HSD17B11: variants seen among roughly 807,000 people sequenced by gnomAD.
HSD17B11 encodes the protein hydroxysteroid 17-beta dehydrogenase 11.
HSD17B11 carries 22 observed loss-of-function variants against 27.8 expected under a neutral mutation model. The observed-to-expected ratio is 0.79, with a 90% CI of 0.56 to 1.13. The LOEUF is 1.13. HSD17B11 is among the 50% of genes most tolerant of loss of function. The pLI, the probability that HSD17B11 is intolerant of heterozygous loss-of-function variation, is 0.00. For synonymous variants in HSD17B11, 117 were observed against 132.8 expected, an observed-to-expected ratio of 0.88 and a Z score of 0.82; for missense variants, 314 against 351.1, an observed-to-expected ratio of 0.89 and a Z score of 0.84.
chr4:87,362,225 C>G (rs189757649), intron 4 of HSD17B11, among the ~76,000 whole-genome samples: 116 of 152,300 alleles, frequency 7.6e-4, no homozygotes, highest in Non-Finnish European at 1.4e-3. Flanking sequence ...AGAGTCCCTT[C>G]TAAGATTTAG....
At chr4:87,337,658 G>A (rs1735077897) in intron 6 of HSD17B11, among the ~76,000 whole-genome samples, 1 of 152,060 alleles carries the variant, frequency 6.6e-6, no homozygotes, top group African/African-American at 2.4e-5. Context: ...AGATACTAAA[G>A]ACTTTACAAA....
At chr4:87,366,327 A>G (rs1735613940) in intron 4 of HSD17B11, among the ~76,000 whole-genome samples, 1 of 152,242 alleles carries the variant, frequency 6.6e-6, no homozygotes, top group Non-Finnish European at 1.5e-5. Flanking sequence ...GTAAAGGGTT[A>G]TAAAGGTTTA....
Position 87,357,948 on chromosome 4 carries a change from AATTTTTTTTTTTTTTT to A in HSD17B11, c.558-548_558-533del, listed in dbSNP as rs1376014644. Among the ~76,000 whole-genome samples the A allele has an allele frequency of 7.9e-4, 77 of 97,394 alleles. 1 individual carries two copies. The highest frequency in any genetic ancestry group is 4.5e-3 in the East Asian group (13 of 2,866). The allele number at this position is 97,394 out of a possible 152,430, so 63.9% of individuals were successfully genotyped here. A position where few individuals can be genotyped will look rare whatever the true frequency, so the allele number is the denominator to read the frequency against. On this transcript the variant is annotated intron_variant, in intron 4 of 6. Transcript: ENST00000358290. ...TTTGTAACTGAACATTCATTAGAGA[AATTTTTTTTTTTTTTT>A]TTTTTTTTTTTTTTTGAGACAGAGT...
At chr4:87,345,568 T>C (rs1358860143) in intron 5 of HSD17B11, among the ~76,000 whole-genome samples, 5 of 152,124 alleles carry the variant, frequency 3.3e-5, no homozygotes, top group African/African-American at 4.8e-5. Flanking sequence ...TTAGCTACAC[T>C]GACCAAGGCA....
At chr4:87,377,142 A>G (rs1735844250) in intron 2 of HSD17B11, among the ~76,000 whole-genome samples, 1 of 150,558 alleles carries the variant, frequency 6.6e-6, no homozygotes, top group South Asian at 2.1e-4. Flanking sequence ...AAAGAAAGAA[A>G]AATATTTTTA....
At chr4:87,367,536 C>T (rs111988816) in intron 4 of HSD17B11, among the ~76,000 whole-genome samples, 4 of 152,260 alleles carry the variant, frequency 2.6e-5, no homozygotes, top group Non-Finnish European at 5.9e-5. Flanking sequence ...TAATTATTCT[C>T]GCTGCACTTT....
At chr4:87,355,043 A>T (rs1735360347) in intron 5 of HSD17B11, among the ~76,000 whole-genome samples, 1 of 151,798 alleles carries the variant, frequency 6.6e-6, no homozygotes, top group Admixed American at 6.6e-5. Context: ...GCTTGAGCCC[A>T]GTTCAAGGTT....
In HSD17B11 at chr4:87,340,483, C is replaced by G; in HGVS notation, c.812+7G>C. Reference sequence around the variant, plus strand: ...TTCATTTCTAAGGTTTCTTAACTGTCACTTACCTTTCCAATGTTGTTAAAA... The same window carrying G: ...TTCATTTCTAAGGTTTCTTAACTGTGACTTACCTTTCCAATGTTGTTAAAA... On this transcript the variant is annotated splice_region_variant and intron_variant, in intron 6 of 6. Transcript: ENST00000358290. 1 of 1,540,968 alleles carries G rather than the reference C, an allele frequency of 6.5e-7. No homozygotes were observed. Among genetic ancestry groups the G allele is most frequent in the African/African-American group, 1.4e-5 (1 of 72,992 alleles).
intron 2 of HSD17B11, among the ~76,000 whole-genome samples, chr4:87,379,146 AG>A (rs1281022860): frequency 6.8e-6 from 1 of 147,616 alleles, no homozygotes; most frequent in Non-Finnish European, 1.5e-5. Context: ...TTATAGAGAC[AG>A]GGTTTCATCA....
intron 6 of HSD17B11, 115 bp downstream of exon 6, chr4:87,340,375 A>G: frequency 1.6e-6 from 1 of 612,392 alleles, no homozygotes. Flanking sequence ...ATTTTTATTA[A>G]GTCAATTCCA....
rs559939270 is a variant in HSD17B11 at position 87,387,781 on chromosome 4, T to C, written c.210+3080A>G. Among the ~76,000 whole-genome samples, 9 of 152,340 alleles carry C rather than the reference T, an allele frequency of 5.9e-5. No individual in the cohort carries two copies. In the East Asian group the frequency reaches 1.5e-3, roughly 26 times the overall value. ...TAATCTCAAAATAAAATATAGATTA[T>C]TTAAATTAAACTAATTTAACCTAAT... On this transcript the variant is annotated intron_variant, in intron 1 of 6. Transcript: ENST00000358290.
chr4:87,357,447 A>T lies in HSD17B11; in HGVS notation c.558-31T>A, dbSNP rs774256013. 1.9e-6 allele frequency: 3 copies of T among 1,596,828 alleles called. No individual in the cohort carries two copies. In the Admixed American group the frequency reaches 5.2e-5, roughly 28 times the overall value. On this transcript the variant is annotated intron_variant, in intron 4 of 6. Transcript: ENST00000358290. The stretch of plus-strand genomic sequence containing the variant: ...AATAGAGAGTTTACAAAATAATTCA[A>T]GAATTCTGAAATGTCTGCCTGTTTT...
chr4:87,379,025 T>G (rs1043504826), intron 2 of HSD17B11, among the ~76,000 whole-genome samples: 1 of 136,718 alleles, frequency 7.3e-6, no homozygotes, highest in African/African-American at 2.7e-5. Flanking sequence ...TGGCATGATC[T>G]CAGCTCACTA....
chr4:87,343,154 G>A (rs1735201275), intron 5 of HSD17B11, among the ~76,000 whole-genome samples: 1 of 152,086 alleles, frequency 6.6e-6, no homozygotes, highest in Admixed American at 6.6e-5. Flanking sequence ...TTTACCTAAG[G>A]TTTTTAGCCC....
At chr4:87,339,536 C>T (rs2110111453) in intron 6 of HSD17B11, among the ~76,000 whole-genome samples, 1 of 152,334 alleles carries the variant, frequency 6.6e-6, no homozygotes, top group East Asian at 1.9e-4. Flanking sequence ...TGATATCCCA[C>T]TGACTTGGAG....
chr4:87,378,857 A>T (rs56376233), intron 2 of HSD17B11, among the ~76,000 whole-genome samples: 2,629 of 18,496 alleles, frequency 0.14, 217 homozygotes, highest in East Asian at 0.19. Flanking sequence ...TATATATATA[A>T]ATATATATAA....
intron 2 of HSD17B11, among the ~76,000 whole-genome samples, chr4:87,380,994 T>C (rs539666413): frequency 6.6e-6 from 1 of 150,686 alleles, no homozygotes; most frequent in East Asian, 2.0e-4. Context: ...CAGACCACCC[T>C]GGCCAACATA....
chr4:87,382,385 C>G (rs1720198089), intron 1 of HSD17B11, 23 bp from the exon 2 acceptor site: 1 of 1,444,234 alleles, frequency 6.9e-7, no homozygotes, highest in Admixed American at 1.7e-5. Context: ...AAAAAGAGGG[C>G]AAGGTAATAA....
intron 1 of HSD17B11, among the ~76,000 whole-genome samples, chr4:87,384,152 G>A (rs565104069): frequency 2.2e-4 from 33 of 152,268 alleles, no homozygotes; most frequent in African/African-American, 5.8e-4. Flanking sequence ...GGCTGGAGCC[G>A]CGGCAAAGAA....
Sources: allele counts gnomAD v4.1 joint callset (sites outside exome capture counted in the v4.1 genomes callset), GRCh38; gene constraint gnomAD v4.1.1; transcripts MANE v1.5; gene names NCBI Gene and HGNC (gene_info 2026-07-23, HGNC 2026-07-21).